Variants in MAP3K13 observed in about 807,000 individuals in gnomAD.
MAP3K13 encodes the protein leucine zipper-bearing kinase.
MAP3K13 carries 52 observed loss-of-function variants against 104.0 expected under a neutral mutation model. The observed-to-expected ratio is 0.50, with a 90% CI of 0.40 to 0.63. The LOEUF is 0.63. MAP3K13 is among the 20% of genes least tolerant of loss of function. The pLI, the probability that MAP3K13 is intolerant of heterozygous loss-of-function variation, is 0.00. For synonymous variants in MAP3K13, 394 were observed against 442.2 expected (o/e 0.89, Z 1.37); for missense variants, 914 against 1,218.5 (o/e 0.75, Z 3.72).
intron 2 of MAP3K13, among the ~76,000 whole-genome samples, chr3:185,344,887 A>ATT (rs199996317): frequency 5.5e-5 from 8 of 146,150 alleles, no homozygotes; most frequent in South Asian, 2.1e-4. Context: ...CTCATAATTT[A>ATT]TTTTTTTTTT....
At chr3:185,465,099 A>C (rs1717332767) in intron 8 of MAP3K13, among the ~76,000 whole-genome samples, 1 of 152,154 alleles carries the variant, frequency 6.6e-6, no homozygotes, top group Non-Finnish European at 1.5e-5. Context: ...CTTCTGCCTC[A>C]GCCTCCTGAG....
chr3:185,359,940 C>CAA (rs568810936), upstream of MAP3K13, among the ~76,000 whole-genome samples: 1 of 135,968 alleles, frequency 7.4e-6, no homozygotes, highest in Admixed American at 7.3e-5. Context: ...TTTTTTTCCT[C>CAA]AAAAAAAAAA....
intron 1 of MAP3K13, among the ~76,000 whole-genome samples, chr3:185,402,924 T>G (rs1712898861): frequency 6.6e-6 from 1 of 152,168 alleles, no homozygotes; most frequent in African/African-American, 2.4e-5. Context: ...TTGCTAATAC[T>G]GTTAAGCTGT....
chr3:185,316,964 A>G (rs1354811015), intron 2 of MAP3K13, among the ~76,000 whole-genome samples: 2 of 152,212 alleles, frequency 1.3e-5, no homozygotes, highest in Non-Finnish European at 2.9e-5. Flanking sequence ...AAAGACTTGT[A>G]ATATTGAAAA....
chr3:185,457,183 T>G (rs973446926), intron 7 of MAP3K13, among the ~76,000 whole-genome samples: 1 of 151,684 alleles, frequency 6.6e-6, no homozygotes, highest in Non-Finnish European at 1.5e-5. Flanking sequence ...AAGACACCCA[T>G]AGCATGGAGC....
At chr3:185,331,721 C>G in intron 2 of MAP3K13, among the ~76,000 whole-genome samples, 1 of 152,132 alleles carries the variant, frequency 6.6e-6, no homozygotes, top group Middle Eastern at 3.2e-3. Flanking sequence ...CAAAACATAT[C>G]AACTTCCCAC....
chr3:185,326,246 A>G (rs1185156287), intron 2 of MAP3K13, among the ~76,000 whole-genome samples: 1 of 151,950 alleles, frequency 6.6e-6, no homozygotes, highest in African/African-American at 2.4e-5. Flanking sequence ...TTACTTTGCA[A>G]CTCCAGGGGA....
chr3:185,328,180 G>A (rs796854396), intron 2 of MAP3K13, among the ~76,000 whole-genome samples: 59 of 152,216 alleles, frequency 3.9e-4, no homozygotes, highest in African/African-American at 1.3e-3. Context: ...AAAATACTAC[G>A]TTTACCAAGA....
chr3:185,374,003 CA>C (rs1046882262), intron 1 of MAP3K13, among the ~76,000 whole-genome samples: 2 of 149,518 alleles, frequency 1.3e-5, no homozygotes, highest in African/African-American at 4.9e-5. Context: ...GTGGATCTCA[CA>C]AAGTACATTC....
chr3:185,309,512 C>CAAAAA (rs66889332), intron 2 of MAP3K13, among the ~76,000 whole-genome samples: 4 of 105,746 alleles, frequency 3.8e-5, no homozygotes, highest in African/African-American at 1.0e-4. Flanking sequence ...CCTTGTCTCA[C>CAAAAA]AAAAAAAAAA....
intron 11 of MAP3K13, among the ~76,000 whole-genome samples, chr3:185,475,572 G>A (rs1198653548): frequency 6.6e-6 from 1 of 152,072 alleles, no homozygotes; most frequent in Non-Finnish European, 1.5e-5. Flanking sequence ...GTTTCAGGGG[G>A]TGGCCGCGGT....
chr3:185,354,181 G>T (rs1270872350), intron 2 of MAP3K13, among the ~76,000 whole-genome samples: 2 of 151,890 alleles, frequency 1.3e-5, no homozygotes, highest in African/African-American at 4.8e-5. Context: ...TCAACTTGGG[G>T]CATCTTTGTT....
chr3:185,395,560 G>A (rs867771394), intron 1 of MAP3K13, among the ~76,000 whole-genome samples: 30 of 148,306 alleles, frequency 2.0e-4, no homozygotes, highest in African/African-American at 6.9e-4. Context: ...GGGTTTCACC[G>A]TTTTAGCCGG....
chr3:185,455,884 T>TATGA (rs1553809046), intron 7 of MAP3K13, among the ~76,000 whole-genome samples: 37 of 124,962 alleles, frequency 3.0e-4, no homozygotes, highest in African/African-American at 9.5e-4. Context: ...ATGAGATATA[T>TATGA]GATATAGATG....
intron 3 of MAP3K13, among the ~76,000 whole-genome samples, chr3:185,442,985 C>T (rs1345936065): frequency 2.6e-5 from 4 of 151,912 alleles, no homozygotes; most frequent in South Asian, 2.1e-4. Context: ...ACTACAGGCG[C>T]GCGCCACCAT....
intron 1 of MAP3K13, among the ~76,000 whole-genome samples, chr3:185,384,003 A>G (rs1711535526): frequency 6.6e-6 from 1 of 152,214 alleles, no homozygotes; most frequent in Admixed American, 6.5e-5. Flanking sequence ...ATTGTTGTTA[A>G]CTATAGTCAC....
chr3:185,285,422 C>T lies in MAP3K13; in HGVS notation c.-204-103C>T, dbSNP rs1720474552. 6.8e-6 allele frequency: 3 copies of T among 439,020 alleles called. No individual in the cohort carries two copies. The East Asian group carries it at 9.4e-5, about 14-fold the overall frequency. The allele number at this position is 439,020 out of a possible 1,614,324, so 27.2% of individuals were successfully genotyped here. ...AATGTGATGTCCACTAAATTTTGGA[C>T]ATCTAAATGTCTGTGTAGTATAACT... is the stretch of plus-strand genomic sequence containing the variant. On this transcript the variant is annotated intron_variant, in intron 1 of 14. Coordinates refer to the MAP3K13 transcript ENST00000424227.
intron 1 of MAP3K13, among the ~76,000 whole-genome samples, chr3:185,422,429 A>G (rs1019429290): frequency 6.6e-6 from 1 of 152,216 alleles, no homozygotes; most frequent in African/African-American, 2.4e-5. Flanking sequence ...TCTCTTAAAT[A>G]TCAAACGCGT....
intron 1 of MAP3K13, among the ~76,000 whole-genome samples, chr3:185,398,629 T>G (rs1006737870): frequency 1.3e-5 from 2 of 152,156 alleles, no homozygotes; most frequent in African/African-American, 2.4e-5. Context: ...ATAAGGAAGA[T>G]GTTATCTTTA....
Sources: gnomAD v4.1 joint callset for allele counts (sites outside exome capture counted in the v4.1 genomes callset) on GRCh38, gnomAD v4.1.1 for gene constraint, MANE v1.5 for transcripts, NCBI Gene and HGNC (gene_info 2026-07-23, HGNC 2026-07-21) for gene names.